SFXN2: variants seen among roughly 807,000 people sequenced by gnomAD.
The protein encoded by SFXN2 is sideroflexin-2.
A neutral mutation model predicts 41.9 loss-of-function variants in SFXN2; 37 were observed. The ratio of observed to expected loss-of-function variants is 0.88; its 90% CI spans 0.68 to 1.16. SFXN2 has a LOEUF of 1.16. SFXN2 is among the 50% of genes most tolerant of loss of function. The pLI is 0.00. For missense variants in SFXN2, 386 were observed against 425.2 expected (o/e 0.91, Z 0.81); for synonymous variants, 150 against 156.7 (o/e 0.96, Z 0.32).
intron 10 of SFXN2, 89 bp downstream of exon 10, chr10:102,733,692 A>G: frequency 9.4e-7 from 1 of 1,069,472 alleles, no homozygotes; most frequent in Non-Finnish European, 1.5e-6. Context: ...GAGAACGTGT[A>G]CTCCTTTACC....
intron 1 of SFXN2, among the ~76,000 whole-genome samples, chr10:102,722,732 A>T (rs1046355075): frequency 6.6e-6 from 1 of 151,662 alleles, no homozygotes; most frequent in Admixed American, 6.6e-5. Flanking sequence ...TAATTTTTAT[A>T]GAGACAGGGT....
chr10:102,732,219 G>GT lies in SFXN2; in HGVS notation c.721+2dup. Reference sequence around the variant, plus strand: ...ATCACCATGTCAGCTCCTGGGATGAGTAAGATGGGGAAGCCCTTCCATCCT... The same window carrying GT: ...ATCACCATGTCAGCTCCTGGGATGAGTTAAGATGGGGAAGCCCTTCCATCCT... On this transcript the variant is annotated splice_donor_variant, in intron 8 of 11. Coordinates refer to ENST00000369893, the MANE Select transcript of SFXN2 (RefSeq NM_178858.6). LOFTEE classifies it high-confidence loss of function. The GT allele has an allele frequency of 6.2e-7, 1 of 1,613,678 alleles. No homozygotes were observed.
At chr10:102,722,927 T>A (rs2064530702) in intron 1 of SFXN2, among the ~76,000 whole-genome samples, 3 of 608 alleles carry the variant, frequency 4.9e-3, no homozygotes, top group Admixed American at 0.021. Context: ...AGAAAGTCCT[T>A]TTTTTTTTTT....
chr10:102,729,469 G>C, intron 5 of SFXN2, 75 bp downstream of exon 5: 1 of 1,535,482 alleles, frequency 6.5e-7, no homozygotes, highest in South Asian at 1.1e-5. Flanking sequence ...CCTTCCCCCA[G>C]GGACAGTTCC....
chr10:102,717,972 A>G lies in SFXN2; in HGVS notation c.-26+3291A>G, dbSNP rs115685569. Among the ~76,000 whole-genome samples, 891 of 152,334 alleles carry G rather than the reference A, an allele frequency of 5.8e-3. 11 individuals carry two copies. Among genetic ancestry groups the G allele is most frequent in the African/African-American group, 0.021 (854 of 41,564 alleles). On this transcript the variant is annotated intron_variant, in intron 1 of 11. Transcript: ENST00000369893. ...AGGACAGGATGCTGTAGGAGTATAT[A>G]TCACAGAAGGATTTGAGTTTGTCCT...
In SFXN2 at chr10:102,725,882, A is replaced by G. The variant is rs562078387; in HGVS notation, c.-25-730A>G. 2.0e-5 allele frequency among the ~76,000 whole-genome samples: 3 copies of G among 152,174 alleles called. No homozygotes were observed. In the East Asian group the frequency reaches 5.8e-4, roughly 29 times the overall value. ...GAATGAGACCCTGTCTCAAAAAAAA[A>G]GTAAAATTAAATAAAAAAAAGAAGT... On this transcript the variant is annotated intron_variant, in intron 1 of 11. Coordinates refer to ENST00000369893, the MANE Select transcript of SFXN2 (RefSeq NM_178858.6).
chr10:102,719,517 C>T (rs980027593), intron 1 of SFXN2, among the ~76,000 whole-genome samples: 2 of 152,172 alleles, frequency 1.3e-5, no homozygotes, highest in Non-Finnish European at 2.9e-5. Context: ...GTGTGAGCCA[C>T]TGTGCCCGGC....
intron 5 of SFXN2, 153 bp downstream of exon 5, chr10:102,729,547 T>C: frequency 2.7e-6 from 3 of 1,108,804 alleles, no homozygotes; most frequent in East Asian, 5.0e-5. Context: ...ACCAGGGCCG[T>C]CCCCAGGTTG....
chr10:102,733,666 T>C, intron 10 of SFXN2, 63 bp downstream of exon 10: 1 of 1,387,144 alleles, frequency 7.2e-7, no homozygotes, highest in Non-Finnish European at 1.0e-6. Context: ...TGTGTCGTCT[T>C]GTCTAGCCCG....
At chr10:102,717,317 G>A (rs933974572) in intron 1 of SFXN2, among the ~76,000 whole-genome samples, 1 of 152,026 alleles carries the variant, frequency 6.6e-6, no homozygotes, top group Non-Finnish European at 1.5e-5. Flanking sequence ...ATTTTTAGTA[G>A]AGACAGAGTT....
intron 10 of SFXN2, 89 bp from the exon 11 acceptor site, chr10:102,735,773 C>T: frequency 7.3e-7 from 1 of 1,377,022 alleles, no homozygotes; most frequent in Non-Finnish European, 1.0e-6. Context: ...GGCCAGGTGC[C>T]TGGGCATTGC....
chr10:102,726,829 A>C, intron 2 of SFXN2, 32 bp downstream of exon 2: 1 of 1,612,128 alleles, frequency 6.2e-7, no homozygotes, highest in Non-Finnish European at 8.5e-7. Context: ...TGGAAGTAGT[A>C]GGGTAACATT....
At chr10:102,736,166 A>G (rs900969065) in intron 11 of SFXN2, among the ~76,000 whole-genome samples, 1 of 152,066 alleles carries the variant, frequency 6.6e-6, no homozygotes, top group South Asian at 2.1e-4. Context: ...ACTGCCTTGA[A>G]GAGAAGGTGG....
intron 1 of SFXN2, among the ~76,000 whole-genome samples, chr10:102,722,603 C>G (rs1345384944): frequency 6.6e-6 from 1 of 150,968 alleles, no homozygotes. Context: ...GGCACGATCA[C>G]AGTTCACTGC....
rs201197344 is a variant in SFXN2, at chr10:102,735,843, G to C, written c.822-19G>C. Reference sequence around the variant, plus strand: ...GTGGGGAGATGTCCCCTGATGCTTTGGTTTCTCCTTTCTTGCAGCCTCATC... The same window carrying C: ...GTGGGGAGATGTCCCCTGATGCTTTCGTTTCTCCTTTCTTGCAGCCTCATC... On this transcript the variant is annotated intron_variant, in intron 10 of 11. Transcript: ENST00000369893. 6.2e-7 allele frequency: 1 copy of C among 1,613,984 alleles called. No individual in the cohort carries two copies. Among genetic ancestry groups the C allele is most frequent in the East Asian group, 2.2e-5 (1 of 44,878 alleles).
intron 9 of SFXN2, 98 bp from the exon 10 acceptor site, chr10:102,733,456 G>T (rs2064732044): frequency 1.0e-6 from 1 of 995,010 alleles, no homozygotes; most frequent in Non-Finnish European, 1.6e-6. Context: ...CCACCTGTGG[G>T]CTTTTCTAGC....
At chr10:102,732,335 A>T (rs904874113) in intron 8 of SFXN2, 117 bp downstream of exon 8, 2 of 815,066 alleles carry the variant, frequency 2.5e-6, no homozygotes, top group African/African-American at 3.4e-5. Flanking sequence ...TGCTTCTCAA[A>T]CTGCTTTGCT....
At chr10:102,726,554 G>A in intron 1 of SFXN2, 58 bp from the exon 2 acceptor site, 1 of 1,560,856 alleles carries the variant, frequency 6.4e-7, no homozygotes, top group Non-Finnish European at 8.7e-7. Context: ...GACGTGCTCA[G>A]GTCCTCTGTG....
At chr10:102,728,168 G>A (rs2064636667) in intron 3 of SFXN2, among the ~76,000 whole-genome samples, 1 of 152,154 alleles carries the variant, frequency 6.6e-6, no homozygotes, top group African/African-American at 2.4e-5. Flanking sequence ...GCGTGGTGGT[G>A]TGTGCCTGTA....
Sources: gnomAD v4.1 joint callset for allele counts (sites outside exome capture counted in the v4.1 genomes callset) on GRCh38, gnomAD v4.1.1 for gene constraint, MANE v1.5 for transcripts, NCBI Gene and HGNC (gene_info 2026-07-23, HGNC 2026-07-21) for gene names.